The following HERC6 variants were observed in gnomAD, a reference collection of about 807,000 sequenced individuals.
HERC6 encodes probable E3 ubiquitin-protein ligase HERC6.
HERC6 carries 101 observed loss-of-function variants against 114.5 expected under a neutral mutation model. That is an observed-to-expected ratio of 0.88 (90% CI 0.75 to 1.04). The LOEUF is 1.04. HERC6 is among the 50% of genes least tolerant of loss of function. HERC6 has a pLI of 0.00. For synonymous variants in HERC6, 408 were observed against 436.2 expected (o/e 0.94, Z 0.81); for missense variants, 1,133 against 1,230.9 (o/e 0.92, Z 1.19).
rs139680231 is a variant in HERC6 at position 88,386,336 on chromosome 4, G to A, written c.436+761G>A. Among the ~76,000 whole-genome samples, 213 of 151,782 alleles carry A rather than the reference G, an allele frequency of 1.4e-3. 3 individuals carry two copies. The East Asian group carries it at 0.038, about 27-fold the overall frequency. ...TTCTCCTGCCTCAGCCTCCCAAGTA[G>A]CTGGGATCACAGGTGTGCGCCACCA... On this transcript the variant is annotated intron_variant, in intron 3 of 22. Coordinates refer to ENST00000264346, the MANE Select transcript of HERC6 (RefSeq NM_017912.4).
intron 1 of HERC6, among the ~76,000 whole-genome samples, chr4:88,381,324 A>C (rs1372321786): frequency 6.6e-6 from 1 of 152,128 alleles, no homozygotes; most frequent in Non-Finnish European, 1.5e-5. Context: ...GGGAATTTAC[A>C]TGCGTGGGAA....
chr4:88,400,479 A>T (rs1735473804), intron 8 of HERC6, among the ~76,000 whole-genome samples: 1 of 152,182 alleles, frequency 6.6e-6, no homozygotes, highest in South Asian at 2.1e-4. Context: ...TTACAGGTGT[A>T]TACCACCGTG....
intron 1 of HERC6, among the ~76,000 whole-genome samples, chr4:88,382,982 T>A (rs1004075068): frequency 1.3e-5 from 2 of 152,206 alleles, no homozygotes; most frequent in African/African-American, 4.8e-5. Flanking sequence ...CATCTCAACC[T>A]GATAGTCTCC....
At chr4:88,390,588 A>G in intron 3 of HERC6, 64 bp from the exon 4 acceptor site, 1 of 1,346,130 alleles carries the variant, frequency 7.4e-7, no homozygotes. Context: ...TAGAATTAGT[A>G]GTTTCTATTT....
intron 16 of HERC6, among the ~76,000 whole-genome samples, chr4:88,430,840 G>A (rs557510569): frequency 4.5e-4 from 68 of 152,258 alleles, no homozygotes; most frequent in African/African-American, 1.6e-3. Flanking sequence ...GAATTTAGGG[G>A]CCCACGGGTT....
At chr4:88,433,889 T>C (rs1294153559) in intron 17 of HERC6, among the ~76,000 whole-genome samples, 1 of 152,226 alleles carries the variant, frequency 6.6e-6, no homozygotes, top group East Asian at 1.9e-4. Context: ...AGGTGTTTTG[T>C]ATCTTTTCGA....
intron 4 of HERC6, 44 bp downstream of exon 4, chr4:88,390,923 C>T: frequency 6.6e-7 from 1 of 1,516,816 alleles, no homozygotes; most frequent in Non-Finnish European, 8.9e-7. Context: ...TTCTTTCTTT[C>T]CAGGTGGAAG....
At chr4:88,420,961 C>A (rs1037793200) in intron 13 of HERC6, among the ~76,000 whole-genome samples, 1 of 152,176 alleles carries the variant, frequency 6.6e-6, no homozygotes, top group Admixed American at 6.5e-5. Context: ...CTCACTCCAG[C>A]CCTAGGCAAT....
intron 10 of HERC6, among the ~76,000 whole-genome samples, chr4:88,408,193 G>T (rs1272426150): frequency 6.6e-6 from 1 of 152,130 alleles, no homozygotes; most frequent in Non-Finnish European, 1.5e-5. Context: ...AGGAGGGTGG[G>T]GGGTAGGTAG....
chr4:88,437,863 T>A (rs1293702823), intron 20 of HERC6, 82 bp downstream of exon 20: 12 of 1,043,638 alleles, frequency 1.1e-5, no homozygotes, highest in South Asian at 2.8e-5. Flanking sequence ...AATGTATTTT[T>A]AAATATGGTT....
At chr4:88,437,402 ACTTTC>A (rs1738874425) in intron 19 of HERC6, among the ~76,000 whole-genome samples, 1 of 152,102 alleles carries the variant, frequency 6.6e-6, no homozygotes, top group Non-Finnish European at 1.5e-5. Context: ...GTACCGCAAG[ACTTTC>A]CCCTTATCTT....
At chr4:88,381,366 C>T (rs1018520892) in intron 1 of HERC6, among the ~76,000 whole-genome samples, 2 of 151,938 alleles carry the variant, frequency 1.3e-5, no homozygotes, top group East Asian at 3.8e-4. Flanking sequence ...TCAAGTGCTT[C>T]GACTTAGGAG....
intron 21 of HERC6, 42 bp downstream of exon 21, chr4:88,440,099 C>G: frequency 6.2e-7 from 1 of 1,603,566 alleles, no homozygotes; most frequent in Non-Finnish European, 8.5e-7. Flanking sequence ...CGAACAACTT[C>G]TATATATTCC....
intron 11 of HERC6, among the ~76,000 whole-genome samples, chr4:88,410,743 G>T (rs1736053864): frequency 6.6e-6 from 1 of 152,178 alleles, no homozygotes; most frequent in African/African-American, 2.4e-5. Flanking sequence ...TCCCTGAACA[G>T]CTAGGGATAA....
Position 88,396,835 on chromosome 4 carries a change from AT to A in HERC6, c.888-14del. ...AGTGCCTTAGTCTTCATTATGGTGT[AT>A]TCTCTTTCCTGTAGTTATCACACCC... On this transcript the variant is annotated splice_polypyrimidine_tract_variant and intron_variant, in intron 6 of 22. Coordinates refer to ENST00000264346, the MANE Select transcript of HERC6 (RefSeq NM_017912.4). 6.5e-7 allele frequency: 1 copy of A among 1,537,090 alleles called. No homozygotes were observed.
At chr4:88,381,451 A>G (rs1258317546) in intron 1 of HERC6, among the ~76,000 whole-genome samples, 1 of 152,152 alleles carries the variant, frequency 6.6e-6, no homozygotes, top group African/African-American at 2.4e-5. Context: ...AGTGACTAGA[A>G]AATATATGGG....
chr4:88,417,373 T>G, intron 12 of HERC6, 52 bp from the exon 13 acceptor site: 1 of 1,534,826 alleles, frequency 6.5e-7, no homozygotes, highest in Non-Finnish European at 8.9e-7. Flanking sequence ...AAACAGAGAT[T>G]TGGGGGGTGG....
Position 88,409,843 on chromosome 4 carries a change from G to C in HERC6, c.1368+1226G>C, listed in dbSNP as rs147141370. The stretch of plus-strand genomic sequence containing the variant: ...TCCTGTCCTGACTCAGGTTTGAGCT[G>C]GTGGATGGGGTCACTGAAAATTAAT... On this transcript the variant is annotated intron_variant, in intron 11 of 22. Coordinates refer to ENST00000264346, the MANE Select transcript of HERC6 (RefSeq NM_017912.4). Among the ~76,000 whole-genome samples, 102 of 152,306 alleles carry C rather than the reference G, an allele frequency of 6.7e-4. 1 individual carries two copies. The East Asian group carries it at 0.017, about 25-fold the overall frequency.
chr4:88,404,354 AT>A (rs1735704425), intron 8 of HERC6, among the ~76,000 whole-genome samples: 3 of 151,736 alleles, frequency 2.0e-5, no homozygotes, highest in South Asian at 2.1e-4. Flanking sequence ...TGCCCGGCTA[AT>A]TTTTTGTATT....
Sources: gnomAD v4.1 joint callset for allele counts (sites outside exome capture counted in the v4.1 genomes callset) on GRCh38, gnomAD v4.1.1 for gene constraint, MANE v1.5 for transcripts, NCBI Gene and HGNC (gene_info 2026-07-23, HGNC 2026-07-21) for gene names.